RANBP2: variants seen among roughly 807,000 people sequenced by gnomAD.
RANBP2 encodes the protein E3 SUMO-protein ligase RanBP2.
In RANBP2, 57 loss-of-function variants were observed where a neutral mutation model predicts 303.6. That is an observed-to-expected ratio of 0.19 (90% confidence interval 0.15 to 0.23). The LOEUF is 0.23. Ranked by LOEUF, RANBP2 falls within the 10% of genes least tolerant of loss-of-function variation. The pLI is 1.00. For missense variants in RANBP2, 3,138 were observed against 3,780.8 expected, an observed-to-expected ratio of 0.83 and a Z score of 4.46; for synonymous variants, 1,167 against 1,301.5, an observed-to-expected ratio of 0.90 and a Z score of 2.23.
chr2:109,343,432 TG>T, the RANBP2 span, among the ~76,000 whole-genome samples: 198 of 152,282 alleles, frequency 1.3e-3, 1 homozygote, highest in African/African-American at 4.4e-3. Context: ...CTCTTGGTTT[TG>T]CTCTGTCCAA....
the RANBP2 span, among the ~76,000 whole-genome samples, chr2:109,305,509 A>T: frequency 6.6e-6 from 1 of 152,000 alleles, no homozygotes; most frequent in African/African-American, 2.4e-5. Flanking sequence ...TCTCCACCTT[A>T]CTTCCCACTC....
At chr2:108,940,928 G>A in the RANBP2 span, among the ~76,000 whole-genome samples, 4 of 152,292 alleles carry the variant, frequency 2.6e-5, no homozygotes, top group South Asian at 8.3e-4. Flanking sequence ...CCAGTTACAG[G>A]TGGGAGACTT....
the RANBP2 span, among the ~76,000 whole-genome samples, chr2:108,841,118 G>A: frequency 1.3e-5 from 2 of 152,130 alleles, no homozygotes; most frequent in South Asian, 2.1e-4. Flanking sequence ...TTACAGGTGT[G>A]AGCCACCGTG....
At position 108,751,661 on chromosome 2, in the gene RANBP2, C is replaced by T. The variant is rs770287479; in HGVS notation, c.1589C>T (p.Ser530Phe). 1 of 1,611,372 alleles carries T rather than the reference C, an allele frequency of 6.2e-7. No individual in the cohort carries two copies. Among genetic ancestry groups the T allele is most frequent in the Middle Eastern group, 2.3e-4 (1 of 4,430 alleles). ...CKQLCTERQK[S>F]WWDAVCTLIH... ...CAGCTTTGTACAGAAAGACAAAAAT[C>T]TTGGTGGGATGCGGTTTGTACTCTG... is the stretch of plus-strand genomic sequence containing the variant. Residue 530 changes from serine (S) to phenylalanine (F), a missense_variant, in exon 11 of 29, where the codon TCT (serine) becomes TTT (phenylalanine). Coordinates refer to ENST00000283195, the MANE Select transcript of RANBP2 (RefSeq NM_006267.5).
chr2:109,713,491 C>T, the RANBP2 span, among the ~76,000 whole-genome samples: 4 of 152,188 alleles, frequency 2.6e-5, no homozygotes, highest in African/African-American at 9.7e-5. Context: ...ACCCATACAG[C>T]CTCTCAGCGC....
chr2:109,309,360 A>C, the RANBP2 span, among the ~76,000 whole-genome samples: 1 of 150,074 alleles, frequency 6.7e-6, no homozygotes, highest in African/African-American at 2.5e-5. Flanking sequence ...AGCGCTAAAC[A>C]TGGAAAGGAA....
chr2:109,414,186 C>T, the RANBP2 span, among the ~76,000 whole-genome samples: 3 of 152,218 alleles, frequency 2.0e-5, no homozygotes, highest in Admixed American at 6.5e-5. Context: ...TCCCAGGCCA[C>T]TGCACCGTCT....
At chr2:109,409,642 G>A in the RANBP2 span, among the ~76,000 whole-genome samples, 177 of 152,244 alleles carry the variant, frequency 1.2e-3, no homozygotes, top group Middle Eastern at 0.017. Flanking sequence ...AGGCGTGGCT[G>A]CTGCCTCTCC....
chr2:109,103,496 G>T, the RANBP2 span, among the ~76,000 whole-genome samples: 1 of 152,220 alleles, frequency 6.6e-6, no homozygotes, highest in Non-Finnish European at 1.5e-5. Flanking sequence ...TGGGGTGGGG[G>T]CTCACAGGTG....
the RANBP2 span, among the ~76,000 whole-genome samples, chr2:109,484,149 C>T: frequency 3.0e-3 from 449 of 151,646 alleles, 2 homozygotes; most frequent in African/African-American, 0.01. Context: ...TCACTGCAAC[C>T]TCTGCCTTCT....
At chr2:109,247,538 GC>G in the RANBP2 span, among the ~76,000 whole-genome samples, 1 of 152,162 alleles carries the variant, frequency 6.6e-6, no homozygotes, top group Non-Finnish European at 1.5e-5. Context: ...TGTCAGTCCA[GC>G]CTGCTGTGCT....
At chr2:109,349,146 C>A in the RANBP2 span, among the ~76,000 whole-genome samples, 5 of 134,326 alleles carry the variant, frequency 3.7e-5, no homozygotes, top group Non-Finnish European at 7.7e-5. Context: ...CTCTCTCCCC[C>A]ATCTGCTGAG....
the RANBP2 span, among the ~76,000 whole-genome samples, chr2:109,274,874 T>C: frequency 6.6e-6 from 1 of 150,554 alleles, no homozygotes; most frequent in Non-Finnish European, 1.5e-5. Flanking sequence ...GTCCCCACCA[T>C]ATAAAAATGT....
At chr2:109,720,632 T>C in the RANBP2 span, among the ~76,000 whole-genome samples, 1 of 152,158 alleles carries the variant, frequency 6.6e-6, no homozygotes, top group African/African-American at 2.4e-5. Flanking sequence ...AAATGTAAAT[T>C]CTCAAGGCAG....
At chr2:109,416,524 A>G in the RANBP2 span, among the ~76,000 whole-genome samples, 27 of 152,294 alleles carry the variant, frequency 1.8e-4, no homozygotes, top group African/African-American at 6.3e-4. Flanking sequence ...AGCTGGGATT[A>G]CAGGCGTGCG....
chr2:108,817,415 C>T, the RANBP2 span, among the ~76,000 whole-genome samples: 1 of 152,068 alleles, frequency 6.6e-6, no homozygotes, highest in Admixed American at 6.6e-5. Context: ...GCCTCAGTCT[C>T]CCAAGTAGCT....
At chr2:109,705,114 T>A in the RANBP2 span, among the ~76,000 whole-genome samples, 4 of 108,508 alleles carry the variant, frequency 3.7e-5, no homozygotes, top group African/African-American at 1.3e-4. Context: ...AATAAATAAA[T>A]AAAAATGGGG....
the RANBP2 span, among the ~76,000 whole-genome samples, chr2:109,165,692 G>T: frequency 6.6e-6 from 1 of 152,186 alleles, no homozygotes; most frequent in South Asian, 2.1e-4. Flanking sequence ...GTCCCCCATG[G>T]CCTGGTGGTA....
chr2:109,287,729 G>A, the RANBP2 span, among the ~76,000 whole-genome samples: 1 of 152,200 alleles, frequency 6.6e-6, no homozygotes, highest in African/African-American at 2.4e-5. Context: ...TCTGCACAGA[G>A]CTCTTCTCTG....
Sources: allele counts gnomAD v4.1 joint callset (sites outside exome capture counted in the v4.1 genomes callset), GRCh38; gene constraint gnomAD v4.1.1; transcripts MANE v1.5; gene names NCBI Gene and HGNC (gene_info 2026-07-23, HGNC 2026-07-21).